Variants in XKR6 observed in about 807,000 individuals in gnomAD.
The protein encoded by XKR6 is XK related 6.
Under a neutral mutation model 56.7 loss-of-function variants are expected in XKR6, and 22 were observed. That is an observed-to-expected ratio of 0.39 (90% CI 0.28 to 0.55). The LOEUF is 0.55. Among genes scored for constraint, XKR6 ranks in the 20% least tolerant of loss-of-function variants. XKR6 has a pLI of 0.66. For synonymous variants in XKR6, 524 were observed against 387.8 expected (o/e 1.35, Z -4.13); for missense variants, 852 against 889.0 (o/e 0.96, Z 0.53).
intron 1 of XKR6, among the ~76,000 whole-genome samples, chr8:11,077,020 T>A (rs566032222): frequency 1.6e-4 from 25 of 151,548 alleles, no homozygotes; most frequent in South Asian, 6.3e-4. Context: ...TACAAAAAAA[T>A]TAAAATTAGC....
intron 1 of XKR6, among the ~76,000 whole-genome samples, chr8:11,078,693 G>A (rs907121318): frequency 2.0e-5 from 3 of 152,222 alleles, no homozygotes; most frequent in Admixed American, 6.5e-5. Flanking sequence ...GCTGGGCTCA[G>A]CAGCAGTCCA....
intron 1 of XKR6, among the ~76,000 whole-genome samples, chr8:11,156,834 C>T (rs946960744): frequency 1.3e-5 from 2 of 151,678 alleles, no homozygotes; most frequent in South Asian, 4.2e-4. Flanking sequence ...GACACAGATG[C>T]ACACACACAC....
intron 1 of XKR6, chr8:11,067,110 G>A (rs2129165884): frequency 6.6e-6 from 1 of 152,436 alleles, no homozygotes; most frequent in East Asian, 1.9e-4. Context: ...GTGTCTTAGG[G>A]AGCAGACAGT....
intron 1 of XKR6, among the ~76,000 whole-genome samples, chr8:11,085,350 G>A (rs1052563978): frequency 6.6e-6 from 1 of 152,216 alleles, no homozygotes; most frequent in Non-Finnish European, 1.5e-5. Flanking sequence ...GCCATGGGGT[G>A]CGGTTGCTGC....
intron 1 of XKR6, among the ~76,000 whole-genome samples, chr8:10,946,177 C>T (rs557019829): frequency 6.6e-6 from 1 of 151,990 alleles, no homozygotes; most frequent in Non-Finnish European, 1.5e-5. Flanking sequence ...TGCCGGGACC[C>T]AAGTAGCCTA....
intron 1 of XKR6, among the ~76,000 whole-genome samples, chr8:11,058,500 T>C (rs1034130022): frequency 6.6e-6 from 1 of 152,180 alleles, no homozygotes; most frequent in Non-Finnish European, 1.5e-5. Context: ...TGGAATACTA[T>C]GCAGCCATAA....
At chr8:11,141,710 C>T (rs1800706790) in intron 1 of XKR6, among the ~76,000 whole-genome samples, 1 of 152,146 alleles carries the variant, frequency 6.6e-6, no homozygotes, top group Non-Finnish European at 1.5e-5. Flanking sequence ...AGTGGAACAG[C>T]AGCTCCTGAT....
chr8:10,982,693 G>A (rs1797761867), intron 1 of XKR6, among the ~76,000 whole-genome samples: 2 of 152,178 alleles, frequency 1.3e-5, no homozygotes, highest in Non-Finnish European at 2.9e-5. Context: ...AGAATCTGAA[G>A]CTGATTTGTG....
At position 11,200,905 on chromosome 8, in the gene XKR6, G is replaced by A. The variant is rs1175697191; in HGVS notation, c.435C>T (p.Thr145=). The change falls in exon 1 of 3, where the codon ACC becomes ACT. Residue 145 remains threonine (T), a synonymous_variant. Coordinates refer to ENST00000416569, the MANE Select transcript of XKR6 (RefSeq NM_173683.4). The surrounding 1 kb of genome is among the most constrained non-coding windows in gnomAD (Gnocchi z 6.4). ...ALLVFFGDVG[T]DLWLALDYYR... ...AGTAGTCGAGGGCCAGCCACAGGTC[G>A]GTGCCCACGTCCCCGAAGAACACCA... The A allele has an allele frequency of 6.2e-7, 1 of 1,609,986 alleles. No homozygotes were observed. Among genetic ancestry groups the A allele is most frequent in the African/African-American group, 1.3e-5 (1 of 74,802 alleles).
intron 1 of XKR6, among the ~76,000 whole-genome samples, chr8:11,193,742 C>T (rs946937313): frequency 3.8e-5 from 5 of 133,108 alleles, no homozygotes; most frequent in Admixed American, 2.3e-4. Flanking sequence ...GTTCTGACCC[C>T]CCCCCCCCCA....
At chr8:11,156,537 G>A (rs1801527312) in intron 1 of XKR6, among the ~76,000 whole-genome samples, 1 of 152,074 alleles carries the variant, frequency 6.6e-6, no homozygotes, top group Non-Finnish European at 1.5e-5. Flanking sequence ...TAATGTTTTT[G>A]GAGAAAAAGT....
At chr8:11,170,154 A>G (rs1272079922) in intron 1 of XKR6, among the ~76,000 whole-genome samples, 1 of 152,200 alleles carries the variant, frequency 6.6e-6, no homozygotes, top group Non-Finnish European at 1.5e-5. Flanking sequence ...AAAAAGTTAA[A>G]CACAGAATTA....
intron 1 of XKR6, among the ~76,000 whole-genome samples, chr8:11,004,187 T>C (rs1257103326): frequency 6.6e-6 from 1 of 151,932 alleles, no homozygotes; most frequent in African/African-American, 2.4e-5. Context: ...AAAAAGCTCC[T>C]GTGGGGCCGG....
At chr8:11,189,920 G>T (rs899934912) in intron 1 of XKR6, among the ~76,000 whole-genome samples, 3 of 152,172 alleles carry the variant, frequency 2.0e-5, no homozygotes, top group South Asian at 4.1e-4. Flanking sequence ...ACTTTGGGAG[G>T]CCAAGGAGGG....
chr8:11,135,457 G>C (rs372851987), intron 1 of XKR6, among the ~76,000 whole-genome samples: 2 of 152,270 alleles, frequency 1.3e-5, no homozygotes, highest in South Asian at 2.1e-4. Context: ...GTTTAATATT[G>C]CTATCTTTAA....
chr8:11,064,851 C>G (rs1799935947), intron 1 of XKR6, among the ~76,000 whole-genome samples: 1 of 152,146 alleles, frequency 6.6e-6, no homozygotes, highest in South Asian at 2.1e-4. Context: ...CAAAATGGAA[C>G]CCTGAGCTAA....
chr8:11,186,637 T>G (rs1392103531), intron 1 of XKR6, among the ~76,000 whole-genome samples: 1 of 152,160 alleles, frequency 6.6e-6, no homozygotes, highest in African/African-American at 2.4e-5. Context: ...ACCTTGGCCT[T>G]GCAAAGTGGT....
At chr8:11,011,210 G>C (rs1235289962) in intron 1 of XKR6, among the ~76,000 whole-genome samples, 1 of 152,192 alleles carries the variant, frequency 6.6e-6, no homozygotes, top group African/African-American at 2.4e-5. Context: ...TACAGGAATG[G>C]ACTAGCACAG....
At chr8:11,187,499 A>G (rs191028182) in intron 1 of XKR6, among the ~76,000 whole-genome samples, 2 of 152,326 alleles carry the variant, frequency 1.3e-5, no homozygotes, top group African/African-American at 2.4e-5. Flanking sequence ...AATGGGAATG[A>G]CAACAGTATC....
Sources: allele counts gnomAD v4.1 joint callset (sites outside exome capture counted in the v4.1 genomes callset), GRCh38; gene constraint gnomAD v4.1.1; non-coding constraint Gnocchi (gnomAD v3.1); transcripts MANE v1.5; gene names NCBI Gene and HGNC (gene_info 2026-07-23, HGNC 2026-07-21).